Variants in NRXN1 observed in about 807,000 individuals in gnomAD.
NRXN1 encodes neurexin-1.
A neutral mutation model predicts 150.9 loss-of-function variants in NRXN1; 39 were observed. The ratio of observed to expected loss-of-function variants is 0.26; its 90% confidence interval spans 0.20 to 0.34. NRXN1 has a LOEUF of 0.34. Ranked by LOEUF, NRXN1 falls within the 10% of genes least tolerant of loss-of-function variation. The probability of loss-of-function intolerance (pLI) is 1.00; values close to 1 mark genes in which losing one functional copy is unlikely to be tolerated. For missense variants in NRXN1, 1,815 were observed against 1,949.9 expected (o/e 0.93, Z 1.30); for synonymous variants, 924 against 757.0 (o/e 1.22, Z -3.62).
intron 18 of NRXN1, among the ~76,000 whole-genome samples, chr2:50,169,605 C>T (rs1377940104): frequency 1.3e-5 from 2 of 150,158 alleles, no homozygotes; most frequent in East Asian, 2.0e-4. Flanking sequence ...CCCAGCTACT[C>T]GGGAGGCTGA....
At chr2:50,303,526 A>G (rs1220578476) in intron 17 of NRXN1, among the ~76,000 whole-genome samples, 1 of 152,146 alleles carries the variant, frequency 6.6e-6, no homozygotes, top group African/African-American at 2.4e-5. Flanking sequence ...TATCATGTCT[A>G]TATACTTCCA....
chr2:50,808,267 A>C (rs549000231), intron 5 of NRXN1, among the ~76,000 whole-genome samples: 2 of 152,148 alleles, frequency 1.3e-5, no homozygotes, highest in Non-Finnish European at 2.9e-5. Flanking sequence ...AGAAGCAATG[A>C]AAAATAAACC....
intron 5 of NRXN1, among the ~76,000 whole-genome samples, chr2:50,877,323 C>T (rs1039785529): frequency 2.0e-5 from 3 of 151,924 alleles, no homozygotes; most frequent in East Asian, 1.9e-4. Flanking sequence ...ACTACTTTTC[C>T]GTTCTAGTCT....
At chr2:50,421,982 C>A (rs542189363) in intron 17 of NRXN1, among the ~76,000 whole-genome samples, 13 of 152,116 alleles carry the variant, frequency 8.5e-5, no homozygotes, top group Non-Finnish European at 1.6e-4. Context: ...GCCCTTCATC[C>A]ACCTTTCCTT....
intron 17 of NRXN1, among the ~76,000 whole-genome samples, chr2:50,366,635 A>T (rs567344396): frequency 5.3e-4 from 80 of 152,146 alleles, no homozygotes; most frequent in South Asian, 8.3e-4. Context: ...TTGAATTTAC[A>T]TAATTAGGAC....
intron 5 of NRXN1, among the ~76,000 whole-genome samples, chr2:50,769,986 G>C (rs1226692777): frequency 1.3e-5 from 2 of 152,092 alleles, no homozygotes; most frequent in Non-Finnish European, 2.9e-5. Context: ...TCACTAATAA[G>C]GGGCATTTGT....
At chr2:50,155,792 T>G (rs2058982304) in intron 18 of NRXN1, among the ~76,000 whole-genome samples, 1 of 151,538 alleles carries the variant, frequency 6.6e-6, no homozygotes, top group Admixed American at 6.6e-5. Flanking sequence ...TCATATAAAC[T>G]ATATGCAACT....
At chr2:50,408,904 C>A (rs1217783630) in intron 17 of NRXN1, among the ~76,000 whole-genome samples, 1 of 146,746 alleles carries the variant, frequency 6.8e-6, no homozygotes, top group Non-Finnish European at 1.5e-5. Flanking sequence ...TCTGACTGCA[C>A]CTTTTCAGAA....
intron 8 of NRXN1, chr2:50,554,622 G>A (rs751126208): frequency 8.6e-5 from 13 of 152,016 alleles, no homozygotes; most frequent in South Asian, 2.1e-4. Flanking sequence ...TATTAACTAC[G>A]TAAAATACAT....
At chr2:50,481,417 T>A (rs2090447207) in intron 15 of NRXN1, among the ~76,000 whole-genome samples, 1 of 152,226 alleles carries the variant, frequency 6.6e-6, no homozygotes, top group Admixed American at 6.5e-5. Flanking sequence ...ATTATAAATA[T>A]TAGGTATTCA....
chr2:50,774,109 T>C (rs1476444538), intron 5 of NRXN1, among the ~76,000 whole-genome samples: 1 of 152,140 alleles, frequency 6.6e-6, no homozygotes, highest in African/African-American at 2.4e-5. Context: ...AGGCTCAGTA[T>C]TTTCAGTTTT....
chr2:50,533,852 C>A (rs752791704), intron 10 of NRXN1, among the ~76,000 whole-genome samples: 72 of 152,152 alleles, frequency 4.7e-4, no homozygotes, highest in Non-Finnish European at 8.8e-4. Context: ...GCATTTAGGT[C>A]TCTGCTCAAA....
intron 20 of NRXN1, among the ~76,000 whole-genome samples, chr2:50,054,646 G>A (rs187684841): frequency 6.6e-6 from 1 of 152,170 alleles, no homozygotes; most frequent in African/African-American, 2.4e-5. Context: ...GTCTATGAAT[G>A]ATTTATCATT....
chr2:49,956,732 T>C (rs1675029206), intron 21 of NRXN1, among the ~76,000 whole-genome samples: 1 of 152,196 alleles, frequency 6.6e-6, no homozygotes, highest in Non-Finnish European at 1.5e-5. Context: ...CTGGAAATGT[T>C]TCTATGAGTA....
intron 5 of NRXN1, among the ~76,000 whole-genome samples, chr2:50,848,072 C>A (rs946055944): frequency 6.6e-6 from 1 of 152,164 alleles, no homozygotes; most frequent in Non-Finnish European, 1.5e-5. Flanking sequence ...CTATAGACGG[C>A]AAACTAAGAG....
intron 17 of NRXN1, among the ~76,000 whole-genome samples, chr2:50,455,136 A>G (rs1413144506): frequency 6.6e-6 from 1 of 152,220 alleles, no homozygotes; most frequent in Non-Finnish European, 1.5e-5. Flanking sequence ...GAGTTGTCGC[A>G]TAAGATTGTG....
At chr2:50,962,637 T>G (rs1693396443) in intron 2 of NRXN1, among the ~76,000 whole-genome samples, 1 of 151,664 alleles carries the variant, frequency 6.6e-6, no homozygotes, top group Non-Finnish European at 1.5e-5. Context: ...TTTCTTATGT[T>G]GATGGTGACT....
intron 21 of NRXN1, among the ~76,000 whole-genome samples, chr2:50,030,035 G>A (rs1014121423): frequency 6.6e-6 from 1 of 152,144 alleles, no homozygotes; most frequent in Non-Finnish European, 1.5e-5. Flanking sequence ...AAATGTCTGG[G>A]TAACTATGTG....
chr2:50,988,335 C>G (rs1243349117), intron 2 of NRXN1, among the ~76,000 whole-genome samples: 1 of 151,850 alleles, frequency 6.6e-6, no homozygotes, highest in Non-Finnish European at 1.5e-5. Context: ...AGATGCAAAC[C>G]ATTTACATTT....
Sources: allele counts gnomAD v4.1 joint callset (sites outside exome capture counted in the v4.1 genomes callset), GRCh38; gene constraint gnomAD v4.1.1; transcripts MANE v1.5; gene names NCBI Gene and HGNC (gene_info 2026-07-23, HGNC 2026-07-21).